SDK1: variants seen among roughly 807,000 people sequenced by gnomAD.
The protein encoded by SDK1 is sidekick cell adhesion molecule 1.
SDK1 carries 157 observed loss-of-function variants against 245.5 expected under a neutral mutation model. The ratio of observed to expected loss-of-function variants is 0.64; its 90% CI spans 0.56 to 0.73. SDK1 has a LOEUF of 0.73. Ranked by LOEUF, SDK1 falls within the 30% of genes least tolerant of loss-of-function variation. The pLI, the probability that SDK1 is intolerant of heterozygous loss-of-function variation, is 0.00. For missense variants in SDK1, 3,583 were observed against 3,002.3 expected (o/e 1.19, Z -4.52); for synonymous variants, 1,647 against 1,278.5 (o/e 1.29, Z -6.15).
intron 4 of SDK1, among the ~76,000 whole-genome samples, chr7:3,672,303 C>G (rs927601666): frequency 6.6e-6 from 1 of 151,984 alleles, no homozygotes; most frequent in Non-Finnish European, 1.5e-5. Context: ...ACACGTTATT[C>G]TATCACAGCA....
intron 5 of SDK1, among the ~76,000 whole-genome samples, chr7:3,889,495 C>T (rs1199594690): frequency 6.6e-6 from 1 of 152,048 alleles, no homozygotes. Context: ...GTACCAGTGG[C>T]ATTCTGGCTA....
At chr7:4,216,984 C>T (rs185275659) in intron 38 of SDK1, among the ~76,000 whole-genome samples, 81 of 149,494 alleles carry the variant, frequency 5.4e-4, no homozygotes, top group Non-Finnish European at 9.2e-4. Flanking sequence ...CCCGGAGCAC[C>T]ACACCACCCG....
At chr7:4,153,581 A>G (rs1473925072) in intron 30 of SDK1, among the ~76,000 whole-genome samples, 1 of 152,210 alleles carries the variant, frequency 6.6e-6, no homozygotes, top group Non-Finnish European at 1.5e-5. Flanking sequence ...GTGAGACTCC[A>G]TCTCAGAAGA....
At chr7:3,966,291 C>T (rs17134098) in intron 9 of SDK1, among the ~76,000 whole-genome samples, 39,067 of 152,004 alleles carry the variant, frequency 0.26, 5,493 homozygotes, top group Middle Eastern at 0.36. Flanking sequence ...GCAGAGGCGG[C>T]GGCTGTGCCC....
At chr7:3,403,851 A>ATATAATATATATATTTATTTATAT (rs1778968729) in intron 1 of SDK1, among the ~76,000 whole-genome samples, 1 of 90,030 alleles carries the variant, frequency 1.1e-5, no homozygotes, top group Non-Finnish European at 2.0e-5. Flanking sequence ...ATATATATAT[A>ATATAATATATATATTTATTTATAT]TATATATATA....
chr7:3,633,655 G>C (rs1048377013), intron 2 of SDK1, among the ~76,000 whole-genome samples: 1 of 151,968 alleles, frequency 6.6e-6, no homozygotes, highest in East Asian at 1.9e-4. Context: ...TTTAGGTTTT[G>C]CTATGACCGT....
intron 4 of SDK1, among the ~76,000 whole-genome samples, chr7:3,816,912 C>A (rs6955230): frequency 0.16 from 24,400 of 151,948 alleles, 2,092 homozygotes; most frequent in Middle Eastern, 0.33. Context: ...TGCACGCTGA[C>A]CTTCTGTTAA....
chr7:3,487,832 C>A (rs1781750146), intron 1 of SDK1, among the ~76,000 whole-genome samples: 1 of 150,344 alleles, frequency 6.7e-6, no homozygotes, highest in South Asian at 2.1e-4. Context: ...CAAAATCATA[C>A]CTTAGCATTT....
intron 5 of SDK1, among the ~76,000 whole-genome samples, chr7:3,824,740 C>G (rs1312109064): frequency 6.6e-6 from 1 of 152,124 alleles, no homozygotes; most frequent in Admixed American, 6.5e-5. Flanking sequence ...ACACCTGAAG[C>G]TTATGGGAAG....
intron 5 of SDK1, among the ~76,000 whole-genome samples, chr7:3,862,743 T>C (rs1047070765): frequency 6.6e-6 from 1 of 152,204 alleles, no homozygotes; most frequent in African/African-American, 2.4e-5. Context: ...CTTAGTTCCA[T>C]ACTTCAGTGT....
intron 5 of SDK1, among the ~76,000 whole-genome samples, chr7:3,825,318 TAAAAAAAA>T (rs763807672): frequency 1.4e-5 from 1 of 71,372 alleles, no homozygotes; most frequent in Non-Finnish European, 2.9e-5. Context: ...TTTCTTCCTC[TAAAAAAAA>T]AAAAAAAAAA....
chr7:4,247,092 C>A (rs975403980), intron 44 of SDK1, among the ~76,000 whole-genome samples: 1 of 152,204 alleles, frequency 6.6e-6, no homozygotes, highest in Non-Finnish European at 1.5e-5. Context: ...AATCACCAAC[C>A]ATTGGCTGTA....
chr7:4,219,011 C>A (rs2128231106), intron 38 of SDK1, among the ~76,000 whole-genome samples: 1 of 152,150 alleles, frequency 6.6e-6, no homozygotes, highest in Non-Finnish European at 1.5e-5. Context: ...AATGTGAAAT[C>A]TCCATTTTCT....
chr7:3,350,381 G>A (rs7776559), intron 1 of SDK1, among the ~76,000 whole-genome samples: 58,441 of 152,052 alleles, frequency 0.38, 11,465 homozygotes, highest in African/African-American at 0.46. Context: ...TGAAGCAAGT[G>A]AGTCCCTTTG....
chr7:3,821,691 T>A, intron 5 of SDK1, 108 bp downstream of exon 5: 1 of 1,221,452 alleles, frequency 8.2e-7, no homozygotes, highest in Non-Finnish European at 1.1e-6. Flanking sequence ...CTCTCTAGTG[T>A]AGTAGTTACG....
intron 26 of SDK1, among the ~76,000 whole-genome samples, chr7:4,128,752 G>A (rs532781921): frequency 5.5e-5 from 8 of 144,234 alleles, no homozygotes; most frequent in African/African-American, 2.1e-4. Flanking sequence ...AGCTTGGGGT[G>A]GGGTCCCCTG....
chr7:3,597,265 T>G (rs1458777516), intron 1 of SDK1, among the ~76,000 whole-genome samples: 1 of 123,034 alleles, frequency 8.1e-6, no homozygotes, highest in African/African-American at 3.2e-5. Context: ...GAGTAAGACT[T>G]GGTCTCAAAA....
At chr7:3,322,538 T>G (rs1458754761) in intron 1 of SDK1, among the ~76,000 whole-genome samples, 1 of 152,222 alleles carries the variant, frequency 6.6e-6, no homozygotes, top group Admixed American at 6.5e-5. Flanking sequence ...GTTTCACTTT[T>G]CAAGGAACCA....
intron 4 of SDK1, among the ~76,000 whole-genome samples, chr7:3,670,731 G>T (rs951835665): frequency 6.6e-6 from 1 of 152,140 alleles, no homozygotes; most frequent in Non-Finnish European, 1.5e-5. Context: ...GCTTAGTACT[G>T]ACTTATCCTT....
Sources: gnomAD v4.1 joint callset for allele counts (sites outside exome capture counted in the v4.1 genomes callset) on GRCh38, gnomAD v4.1.1 for gene constraint, MANE v1.5 for transcripts, NCBI Gene and HGNC (gene_info 2026-07-23, HGNC 2026-07-21) for gene names.